DTNA: variants seen among roughly 807,000 people sequenced by gnomAD.
DTNA encodes the protein dystrobrevin alpha.
DTNA carries 43 observed loss-of-function variants against 100.7 expected under a neutral mutation model. The ratio of observed to expected loss-of-function variants is 0.43; its 90% CI spans 0.33 to 0.55. The LOEUF is 0.55. Ranked by LOEUF, DTNA falls within the 20% of genes least tolerant of loss-of-function variation. The pLI, the probability that DTNA is intolerant of heterozygous loss-of-function variation, is 0.04. For synonymous variants in DTNA, 349 were observed against 347.9 expected (o/e 1.00, Z -0.04); for missense variants, 798 against 953.9 (o/e 0.84, Z 2.15).
intron 1 of DTNA, among the ~76,000 whole-genome samples, chr18:34,671,485 C>T (rs1481421133): frequency 1.3e-5 from 2 of 152,184 alleles, no homozygotes; most frequent in African/African-American, 2.4e-5. Flanking sequence ...GCATTGCTCA[C>T]GCTGGGAGCT....
intron 4 of DTNA, among the ~76,000 whole-genome samples, chr18:34,805,815 C>T (rs2095347236): frequency 6.6e-6 from 1 of 151,664 alleles, no homozygotes; most frequent in Admixed American, 6.6e-5. Context: ...GTTTCTGAAG[C>T]TCTGTTTAAG....
In DTNA at chr18:34,756,497, G is replaced by A. The variant is rs1323243488; in HGVS notation, c.67+454G>A. On this transcript the variant is annotated intron_variant, in intron 2 of 22. Transcript: ENST00000444659. Reference sequence around the variant, plus strand: ...TGATATCATATGTTTATGTGGAAAGGAGAAGTTAGGCACAATTACTGGACC... The same window carrying A: ...TGATATCATATGTTTATGTGGAAAGAAGAAGTTAGGCACAATTACTGGACC... Among the ~76,000 whole-genome samples, 5 of 152,172 alleles carry A rather than the reference G, an allele frequency of 3.3e-5. No homozygotes were observed. The South Asian group carries it at 8.3e-4, about 25-fold the overall frequency.
chr18:34,588,641 G>A (rs1294231216), intron 1 of DTNA, among the ~76,000 whole-genome samples: 2 of 149,418 alleles, frequency 1.3e-5, no homozygotes, highest in Non-Finnish European at 3.0e-5. Flanking sequence ...GAGGAGGAGG[G>A]TGAGGAATGA....
At chr18:34,688,678 A>G (rs1449907462) in intron 1 of DTNA, among the ~76,000 whole-genome samples, 2 of 152,022 alleles carry the variant, frequency 1.3e-5, no homozygotes, top group Non-Finnish European at 1.5e-5. Context: ...CCTGAATTTA[A>G]ATGTTGGCCT....
intron 19 of DTNA, 86 bp downstream of exon 19, chr18:34,877,894 G>T: frequency 8.9e-7 from 1 of 1,120,270 alleles, no homozygotes. Context: ...TCTGCTTATT[G>T]TCTAATATCA....
intron 17 of DTNA, among the ~76,000 whole-genome samples, chr18:34,869,283 A>C (rs1449911238): frequency 6.6e-6 from 1 of 152,018 alleles, no homozygotes; most frequent in African/African-American, 2.4e-5. Flanking sequence ...AAACTTTTCA[A>C]ATTTGGTCCA....
At chr18:34,735,271 G>C (rs1188755980) in intron 1 of DTNA, among the ~76,000 whole-genome samples, 2 of 152,118 alleles carry the variant, frequency 1.3e-5, no homozygotes, top group African/African-American at 4.8e-5. Flanking sequence ...TGATTAGATT[G>C]TACCTACCAG....
At chr18:34,775,542 C>T (rs764849842) in intron 3 of DTNA, among the ~76,000 whole-genome samples, 8 of 152,016 alleles carry the variant, frequency 5.3e-5, no homozygotes, top group East Asian at 3.9e-4. Context: ...ATCTGGCAGC[C>T]GTAGAAGAGA....
intron 16 of DTNA, among the ~76,000 whole-genome samples, chr18:34,862,605 C>T (rs2096643232): frequency 1.3e-5 from 2 of 151,876 alleles, no homozygotes; most frequent in Admixed American, 1.3e-4. Flanking sequence ...TCAAGACAAG[C>T]CTGGGCAACA....
intron 2 of DTNA, among the ~76,000 whole-genome samples, chr18:34,765,221 T>C (rs564586563): frequency 6.6e-6 from 1 of 152,054 alleles, no homozygotes; most frequent in African/African-American, 2.4e-5. Context: ...AGGAAAGTAG[T>C]TTAAGAATAT....
chr18:34,741,669 A>G (rs972492267), intron 1 of DTNA, among the ~76,000 whole-genome samples: 3 of 152,174 alleles, frequency 2.0e-5, no homozygotes, highest in African/African-American at 7.2e-5. Flanking sequence ...CTGAGATCCA[A>G]AGTACTCAAA....
Position 34,887,935 on chromosome 18 carries a change from G to T in DTNA, c.*201G>T. ...ACCCCCACCCCTAAAGATGTGTCCTGATGACTATAGTGCAGCTAACTTTTT... is the reference window on the plus strand; with the variant it reads ...ACCCCCACCCCTAAAGATGTGTCCTTATGACTATAGTGCAGCTAACTTTTT... On this transcript the variant is annotated 3_prime_UTR_variant, in exon 23 of 23. Transcript: ENST00000444659. The T allele has an allele frequency of 1.0e-6, 1 of 986,320 alleles. No individual in the cohort carries two copies. The highest frequency in any genetic ancestry group is 4.7e-5 in the South Asian group (1 of 21,292). 61.1% of individuals were successfully genotyped at this position (986,320 alleles called of 1,614,324 possible).
At chr18:34,512,574 G>A (rs1024363256) in intron 1 of DTNA, among the ~76,000 whole-genome samples, 4 of 152,086 alleles carry the variant, frequency 2.6e-5, no homozygotes, top group Admixed American at 6.6e-5. Context: ...GATGGATGGC[G>A]CAGTGGCAGT....
At chr18:34,852,667 G>T (rs1178312470) in intron 15 of DTNA, among the ~76,000 whole-genome samples, 1 of 152,006 alleles carries the variant, frequency 6.6e-6, no homozygotes, top group Non-Finnish European at 1.5e-5. Context: ...AGCTCACCTT[G>T]CTCAGCACAC....
At chr18:34,835,076 G>T (rs200712243) in intron 11 of DTNA, among the ~76,000 whole-genome samples, 1 of 152,070 alleles carries the variant, frequency 6.6e-6, no homozygotes, top group Non-Finnish European at 1.5e-5. Flanking sequence ...GGCTATTTTT[G>T]TCTTGTTTTC....
chr18:34,518,951 G>A (rs917949660), intron 1 of DTNA, among the ~76,000 whole-genome samples: 1 of 152,038 alleles, frequency 6.6e-6, no homozygotes, highest in Non-Finnish European at 1.5e-5. Flanking sequence ...GTAAGCCATT[G>A]CAATAGCTTA....
intron 10 of DTNA, 63 bp downstream of exon 10, chr18:34,827,739 A>G (rs2095892966): frequency 4.0e-6 from 6 of 1,517,546 alleles, no homozygotes; most frequent in Non-Finnish European, 5.5e-6. Flanking sequence ...ATTCTGTGGT[A>G]AGAAAAATAT....
At chr18:34,751,786 A>G (rs2092343194) in intron 1 of DTNA, among the ~76,000 whole-genome samples, 1 of 152,168 alleles carries the variant, frequency 6.6e-6, no homozygotes, top group Non-Finnish European at 1.5e-5. Flanking sequence ...ATTACTCCAA[A>G]TTTTAATTAT....
chr18:34,615,604 T>C (rs2055106851), intron 1 of DTNA, among the ~76,000 whole-genome samples: 1 of 152,154 alleles, frequency 6.6e-6, no homozygotes, highest in South Asian at 2.1e-4. Flanking sequence ...ATGTACAAGT[T>C]GGTTTTATAG....
Sources: allele counts gnomAD v4.1 joint callset (sites outside exome capture counted in the v4.1 genomes callset), GRCh38; gene constraint gnomAD v4.1.1; transcripts MANE v1.5; gene names NCBI Gene and HGNC (gene_info 2026-07-23, HGNC 2026-07-21).